The following PPP1R12B variants were observed in gnomAD, a reference collection of about 807,000 sequenced individuals.
PPP1R12B encodes protein phosphatase 1 regulatory subunit 12B.
Under a neutral mutation model 126.1 loss-of-function variants are expected in PPP1R12B, and 76 were observed. The ratio of observed to expected loss-of-function variants is 0.60; its 90% CI spans 0.50 to 0.73. The LOEUF is 0.73. Ranked by LOEUF, PPP1R12B falls within the 30% of genes least tolerant of loss-of-function variation. The pLI is 0.00. For missense variants in PPP1R12B, 1,052 were observed against 1,205.1 expected, an observed-to-expected ratio of 0.87 and a Z score of 1.88; for synonymous variants, 356 against 434.7, an observed-to-expected ratio of 0.82 and a Z score of 2.25.
At chr1:202,505,422 T>G (rs1680698142) in intron 18 of PPP1R12B, among the ~76,000 whole-genome samples, 1 of 152,240 alleles carries the variant, frequency 6.6e-6, no homozygotes, top group South Asian at 2.1e-4. Flanking sequence ...TTCACAGCGT[T>G]GCTTCTGGCT....
intron 1 of PPP1R12B, among the ~76,000 whole-genome samples, chr1:202,359,889 TAA>T (rs551056044): frequency 2.3e-4 from 35 of 151,728 alleles, no homozygotes; most frequent in Middle Eastern, 3.4e-3. Context: ...TAGTAGTGTT[TAA>T]GTTTCCCTGA....
At chr1:202,519,683 T>G (rs1302128857) in intron 18 of PPP1R12B, among the ~76,000 whole-genome samples, 10 of 152,346 alleles carry the variant, frequency 6.6e-5, no homozygotes, top group Middle Eastern at 6.8e-3. Flanking sequence ...AATTTCTAAT[T>G]GTACAGACTT....
chr1:202,407,152 G>A (rs1666721614), intron 1 of PPP1R12B, among the ~76,000 whole-genome samples: 1 of 152,188 alleles, frequency 6.6e-6, no homozygotes, highest in African/African-American at 2.4e-5. Context: ...TTGCCAAGTT[G>A]TAAGACAGCT....
chr1:202,388,648 C>T (rs955673216), intron 1 of PPP1R12B, among the ~76,000 whole-genome samples: 2 of 151,982 alleles, frequency 1.3e-5, no homozygotes, highest in Non-Finnish European at 2.9e-5. Context: ...ATAGTAACTA[C>T]CTCATAGAAT....
chr1:202,450,913 A>G (rs1672839489), intron 13 of PPP1R12B, among the ~76,000 whole-genome samples: 1 of 152,202 alleles, frequency 6.6e-6, no homozygotes, highest in Non-Finnish European at 1.5e-5. Context: ...TGGTATTTTG[A>G]TAGGGATTGT....
At chr1:202,476,909 T>C (rs981799031) in intron 13 of PPP1R12B, among the ~76,000 whole-genome samples, 8 of 152,218 alleles carry the variant, frequency 5.3e-5, no homozygotes, top group Admixed American at 1.3e-4. Flanking sequence ...AGCAGCGTTG[T>C]TCTCTCCTTG....
At position 202,488,586 on chromosome 1, in the gene PPP1R12B, G is replaced by T. The variant is rs561422766; in HGVS notation, c.1904G>T (p.Arg635Leu). 2 of 1,612,716 alleles carry T rather than the reference G, an allele frequency of 1.2e-6. No individual in the cohort carries two copies. Among genetic ancestry groups the T allele is most frequent in the Non-Finnish European group, 1.7e-6 (2 of 1,179,410 alleles). ...GAAGCAGAGTCTTTACGGAAAGCAC[G>T]CTCCAGACAAGCTCGGCAGACACGA... Reference protein sequence around the residue: ...DEEAESLRKARSRQARQTRRS... With the variant: ...DEEAESLRKALSRQARQTRRS... Residue 635 changes from arginine (R) to leucine (L), a missense_variant, in exon 14 of 24, where the codon CGC (arginine) becomes CTC (leucine). By Grantham distance (102) the Arg-to-Leu change is moderately radical (BLOSUM62 -2). Coordinates refer to ENST00000608999, the MANE Select transcript of PPP1R12B (RefSeq NM_002481.4).
At chr1:202,540,007 T>G in intron 18 of PPP1R12B, 2 of 1,320,410 alleles carry the variant, frequency 1.5e-6, no homozygotes, top group Non-Finnish European at 2.0e-6. Flanking sequence ...CTTTTATCCT[T>G]TATTTAGTTC....
chr1:202,360,405 A>G (rs1657948879), intron 1 of PPP1R12B, among the ~76,000 whole-genome samples: 1 of 152,164 alleles, frequency 6.6e-6, no homozygotes, highest in Non-Finnish European at 1.5e-5. Context: ...GTTACCAGTG[A>G]TCAGCTTAAA....
chr1:202,425,569 T>C lies in PPP1R12B; in HGVS notation c.545T>C (p.Val182Ala), dbSNP rs772665494. The C allele has an allele frequency of 5.3e-5, 85 of 1,613,106 alleles. No individual in the cohort carries two copies. In the East Asian group the frequency reaches 1.8e-3, roughly 34 times the overall value. ...LLLEQVKKQG[V>A]DLEQSRKEEE... ...GTCTGGTATCTGGTTTCTGTAGGAG[T>C]TGATCTAGAGCAGTCAAGAAAAGAA... The change falls in exon 4 of 24, where the codon GTT becomes GCT. Residue 182 changes from valine (V) to alanine (A), a missense_variant. Transcript: ENST00000608999.
intron 13 of PPP1R12B, among the ~76,000 whole-genome samples, chr1:202,475,149 C>T (rs1676467800): frequency 6.6e-6 from 1 of 152,124 alleles, no homozygotes; most frequent in South Asian, 2.1e-4. Context: ...ACCCAGGTGC[C>T]TGTTCTTTCT....
chr1:202,425,024 A>G (rs566352465), intron 3 of PPP1R12B, among the ~76,000 whole-genome samples: 194 of 152,348 alleles, frequency 1.3e-3, no homozygotes, highest in Non-Finnish European at 2.1e-3. Context: ...ATCCTATGGT[A>G]TAGTGAGTGG....
intron 14 of PPP1R12B, 151 bp from the exon 15 acceptor site, chr1:202,492,963 A>G (rs1679085674): frequency 1.3e-5 from 9 of 716,372 alleles, no homozygotes; most frequent in Non-Finnish European, 1.2e-5. Flanking sequence ...TATTTTAAGC[A>G]TATATTGCTT....
At chr1:202,522,855 G>T (rs1466295550) in intron 18 of PPP1R12B, among the ~76,000 whole-genome samples, 2 of 152,104 alleles carry the variant, frequency 1.3e-5, no homozygotes, top group Admixed American at 1.3e-4. Flanking sequence ...AATCCATGAA[G>T]ATGATATAAA....
chr1:202,444,191 A>G (rs1221396430), intron 12 of PPP1R12B, among the ~76,000 whole-genome samples: 1 of 152,222 alleles, frequency 6.6e-6, no homozygotes, highest in Non-Finnish European at 1.5e-5. Context: ...GAAAATGAGA[A>G]TGAGAGTTCA....
At chr1:202,462,980 T>C in intron 13 of PPP1R12B, 2 of 985,306 alleles carry the variant, frequency 2.0e-6, no homozygotes, top group South Asian at 9.4e-5. Context: ...CTGGGTGTTC[T>C]GGGGAATTGA....
chr1:202,444,303 C>T (rs1487709666), intron 12 of PPP1R12B, among the ~76,000 whole-genome samples: 1 of 152,156 alleles, frequency 6.6e-6, no homozygotes, highest in Non-Finnish European at 1.5e-5. Flanking sequence ...GCTCAAGTGT[C>T]TCATTTCTAT....
intron 13 of PPP1R12B, among the ~76,000 whole-genome samples, chr1:202,470,650 T>C (rs1675725434): frequency 1.3e-5 from 2 of 152,102 alleles, no homozygotes; most frequent in South Asian, 4.1e-4. Flanking sequence ...TACTAGCACT[T>C]TGGGAGGCAG....
At chr1:202,395,573 G>T (rs1284893380) in intron 1 of PPP1R12B, among the ~76,000 whole-genome samples, 1 of 152,034 alleles carries the variant, frequency 6.6e-6, no homozygotes, top group Non-Finnish European at 1.5e-5. Context: ...TTATACCCAC[G>T]ACACAAATGT....
Sources: gnomAD v4.1 joint callset for allele counts (sites outside exome capture counted in the v4.1 genomes callset) on GRCh38, gnomAD v4.1.1 for gene constraint, MANE v1.5 for transcripts, NCBI Gene and HGNC (gene_info 2026-07-23, HGNC 2026-07-21) for gene names.